Variants in MBNL3 observed in about 807,000 individuals in gnomAD.
MBNL3 encodes the protein muscleblind-like protein 3.
A neutral mutation model predicts 24.5 loss-of-function variants in MBNL3; 6 were observed. That is an observed-to-expected ratio of 0.25 (90% CI 0.13 to 0.48). The LOEUF (loss-of-function observed/expected upper bound fraction) is 0.48, where lower values mean the gene tolerates loss of function less well. MBNL3 is among the 20% of genes least tolerant of loss of function. The pLI is 0.99. For missense variants in MBNL3, 230 were observed against 293.5 expected, an observed-to-expected ratio of 0.78 and a Z score of 1.58; for synonymous variants, 100 against 101.7, an observed-to-expected ratio of 0.98 and a Z score of 0.10.
intron 3 of MBNL3, 94 bp downstream of exon 3, chrX:132,406,134 C>A: frequency 9.8e-7 from 1 of 1,016,710 alleles, no homozygotes; most frequent in South Asian, 2.0e-5. Context: ...AGTTTGTGTC[C>A]TAAATCCTGT....
chrX:132,396,347 TATATATATATTCCTATATATATTC>T lies in MBNL3; in HGVS notation c.343-4037_343-4014del, dbSNP rs1420596813. Among the ~76,000 whole-genome samples, 257 of 44,611 alleles carry T rather than the reference TATATATATATTCCTATATATATTC, an allele frequency of 5.8e-3. 1 individual carries two copies. The highest frequency in any genetic ancestry group is 0.042 in the African/African-American group (209 of 4,926). 38.7% of individuals were successfully genotyped at this position (44,611 alleles called of 115,157 possible). A position where few individuals can be genotyped will look rare whatever the true frequency, so the allele number is the denominator to read the frequency against. On this transcript the variant is annotated intron_variant, in intron 3 of 8. Transcript: ENST00000370853. ...ATTCATATATATTCATATATATTCA[TATATATATATTCCTATATATATTC>T]ATATATATTCATATATATATTCCTA...
rs1435556279 is a variant in MBNL3, at chrX:132,376,651, ATT to A, written c.*3013_*3014del. 9.0e-5 allele frequency: 10 copies of A among 111,501 alleles called. No homozygotes were observed. The highest frequency in any genetic ancestry group is 1.7e-4 in the Non-Finnish European group (9 of 52,869). 9.2% of individuals were successfully genotyped at this position (111,501 alleles called of 1,213,427 possible). A position where few individuals can be genotyped will look rare whatever the true frequency, so the allele number is the denominator to read the frequency against. On this transcript the variant is annotated 3_prime_UTR_variant, in exon 9 of 9. Coordinates refer to ENST00000370853, the MANE Select transcript of MBNL3 (RefSeq NM_001386889.1). Reference sequence around the variant, plus strand: ...TTTATATATACAATTCATCCAGTAAATTTTTGTTTAGAGTCACTGATTAGTTT... The same window carrying A: ...TTTATATATACAATTCATCCAGTAAATTTGTTTAGAGTCACTGATTAGTTT...
chrX:132,484,542 T>C (rs1947902426), intron 1 of MBNL3, among the ~76,000 whole-genome samples: 1 of 111,502 alleles, frequency 9.0e-6, no homozygotes, highest in East Asian at 2.8e-4. Context: ...GATTCAAGAA[T>C]CCAATGTGGA....
chrX:132,488,552 A>T (rs1603276782), intron 1 of MBNL3, among the ~76,000 whole-genome samples: 1 of 111,239 alleles, frequency 9.0e-6, no homozygotes. Flanking sequence ...GTTGTTAAAA[A>T]GCATTTGCTG....
chrX:132,382,393 G>A (rs751647913), intron 7 of MBNL3, 121 bp from the exon 8 acceptor site: 21 of 490,409 alleles, frequency 4.3e-5, no homozygotes, highest in Middle Eastern at 4.1e-4. Context: ...ACATCATAAC[G>A]ATGAATACAT....
chrX:132,397,592 A>G (rs940799688), intron 3 of MBNL3, among the ~76,000 whole-genome samples: 2 of 111,713 alleles, frequency 1.8e-5, no homozygotes, highest in East Asian at 2.8e-4. Flanking sequence ...CCCAATTTTA[A>G]TACAAGAAAA....
At chrX:132,429,495 T>C (rs773100952) in intron 2 of MBNL3, among the ~76,000 whole-genome samples, 1 of 112,039 alleles carries the variant, frequency 8.9e-6, no homozygotes, top group Middle Eastern at 4.6e-3. Context: ...GGTAACTTTG[T>C]CTAAAAATTC....
intron 2 of MBNL3, among the ~76,000 whole-genome samples, chrX:132,427,602 G>T (rs1270651281): frequency 9.0e-6 from 1 of 111,633 alleles, no homozygotes; most frequent in Non-Finnish European, 1.9e-5. Flanking sequence ...TTAAGACAAT[G>T]TGACAATGTG....
intron 1 of MBNL3, among the ~76,000 whole-genome samples, chrX:132,453,228 T>TG (rs1946199105): frequency 9.0e-6 from 1 of 111,400 alleles, no homozygotes. Flanking sequence ...GCCTCTCTCA[T>TG]AGACTTGAAG....
chrX:132,409,923 T>C (rs1323010104), intron 2 of MBNL3, among the ~76,000 whole-genome samples: 1 of 111,733 alleles, frequency 8.9e-6, no homozygotes, highest in Non-Finnish European at 1.9e-5. Flanking sequence ...GTTAAGAAAA[T>C]AGCAAAGTGA....
Position 132,402,445 on chromosome X carries a change from A to G in MBNL3, c.342+3783T>C, listed in dbSNP as rs778487991. Among the ~76,000 whole-genome samples the G allele has an allele frequency of 7.1e-5, 8 of 112,134 alleles. No individual in the cohort carries two copies. The East Asian group carries it at 2.2e-3, about 31-fold the overall frequency. The stretch of plus-strand genomic sequence containing the variant: ...AATTGTAAAACCAAAATTTTAAAAC[A>G]TTAGCTTTGCTTCAGGGTAATCCAC... On this transcript the variant is annotated intron_variant, in intron 3 of 8. Transcript: ENST00000370853.
chrX:132,387,508 A>T (rs1936314194), intron 5 of MBNL3, among the ~76,000 whole-genome samples: 1 of 110,973 alleles, frequency 9.0e-6, no homozygotes. Context: ...CAGGAAAGAG[A>T]TTTCTGCCTG....
At chrX:132,444,115 C>T (rs980754085) in intron 1 of MBNL3, among the ~76,000 whole-genome samples, 1 of 108,495 alleles carries the variant, frequency 9.2e-6, no homozygotes. Context: ...TAGATTTAAA[C>T]TGCTTGAGCA....
At chrX:132,477,137 G>A (rs148405457) in intron 1 of MBNL3, among the ~76,000 whole-genome samples, 1,614 of 112,195 alleles carry the variant, frequency 0.014, 21 homozygotes, top group African/African-American at 0.049. Flanking sequence ...AGTTTTTATC[G>A]TCATAAACAG....
At chrX:132,482,393 C>T (rs1947785520) in intron 1 of MBNL3, among the ~76,000 whole-genome samples, 1 of 111,892 alleles carries the variant, frequency 8.9e-6, no homozygotes, top group Non-Finnish European at 1.9e-5. Flanking sequence ...ATAAAAAGAA[C>T]TCCCAGACCC....
chrX:132,403,128 A>G (rs1237847534), intron 3 of MBNL3, among the ~76,000 whole-genome samples: 1 of 111,759 alleles, frequency 8.9e-6, no homozygotes, highest in Admixed American at 9.5e-5. Context: ...AAATTAAGTA[A>G]AATCATATAT....
At chrX:132,435,696 G>C (rs1211340818) in intron 2 of MBNL3, among the ~76,000 whole-genome samples, 1 of 111,400 alleles carries the variant, frequency 9.0e-6, no homozygotes, top group Non-Finnish European at 1.9e-5. Context: ...CATGGCATGT[G>C]ACTGTTTTAT....
chrX:132,431,562 G>A (rs1474276565), intron 2 of MBNL3: 1 of 111,468 alleles, frequency 9.0e-6, no homozygotes, highest in Non-Finnish European at 1.9e-5. Context: ...GCCTCATCTT[G>A]TATTTTCCCT....
chrX:132,382,672 G>A (rs1935222256), intron 7 of MBNL3, among the ~76,000 whole-genome samples: 1 of 112,039 alleles, frequency 8.9e-6, no homozygotes, highest in African/African-American at 3.2e-5. Flanking sequence ...CAAGTAACTG[G>A]ACTGCACATT....
Sources: allele counts gnomAD v4.1 joint callset (sites outside exome capture counted in the v4.1 genomes callset), GRCh38; gene constraint gnomAD v4.1.1; transcripts MANE v1.5; gene names NCBI Gene and HGNC (gene_info 2026-07-23, HGNC 2026-07-21).